CCDC158: variants seen among roughly 807,000 people sequenced by gnomAD.
The protein encoded by CCDC158 is coiled-coil domain containing 158, also known as coiled-coil domain-containing protein 158.
In CCDC158, 116 loss-of-function variants were observed where a neutral mutation model predicts 138.6. That is an observed-to-expected ratio of 0.84 (90% CI 0.72 to 0.98). The LOEUF (loss-of-function observed/expected upper bound fraction) is 0.98. Ranked by LOEUF, CCDC158 falls within the 50% of genes least tolerant of loss-of-function variation. CCDC158 has a pLI of 0.00. For synonymous variants in CCDC158, 436 were observed against 442.4 expected (o/e 0.99, Z 0.18); for missense variants, 1,265 against 1,306.1 (o/e 0.97, Z 0.48).
chr4:76,394,021 A>T (rs191285145), intron 4 of CCDC158, among the ~76,000 whole-genome samples: 1 of 152,252 alleles, frequency 6.6e-6, no homozygotes, highest in South Asian at 2.1e-4. Flanking sequence ...ACCCTTGTAC[A>T]CTATTGGTGG....
At chr4:76,359,736 TA>T (rs1321867777) in intron 13 of CCDC158, among the ~76,000 whole-genome samples, 2 of 152,126 alleles carry the variant, frequency 1.3e-5, no homozygotes, top group Non-Finnish European at 2.9e-5. Context: ...TCATTTGCAT[TA>T]AAAAAGAAAT....
chr4:76,326,063 T>A lies in CCDC158; in HGVS notation c.3011-48A>T, dbSNP rs779004067. 9.6e-6 allele frequency: 14 copies of A among 1,465,234 alleles called. No individual in the cohort carries two copies. In the South Asian group the frequency reaches 1.6e-4, roughly 17 times the overall value. 90.8% of individuals were successfully genotyped at this position (1,465,234 alleles called of 1,614,324 possible). On this transcript the variant is annotated intron_variant, in intron 22 of 24. Transcript: ENST00000682701. ...GTAAAAGGACAGAATTAATTAAAAATAGCAAACTGCACCTCTCAAAAAGTC... is the reference window on the plus strand; with the variant it reads ...GTAAAAGGACAGAATTAATTAAAAAAAGCAAACTGCACCTCTCAAAAAGTC...
At chr4:76,367,993 A>T (rs1440327886) in intron 11 of CCDC158, among the ~76,000 whole-genome samples, 1 of 151,810 alleles carries the variant, frequency 6.6e-6, no homozygotes, top group African/African-American at 2.4e-5. Flanking sequence ...GGCCTCCCAA[A>T]GTGCTGGGAT....
chr4:76,333,975 A>T (rs1439204893), intron 19 of CCDC158, 35 bp downstream of exon 19: 1 of 1,474,828 alleles, frequency 6.8e-7, no homozygotes, highest in Non-Finnish European at 9.2e-7. Flanking sequence ...CATTCAAGAG[A>T]TGAGCTTTCC....
At chr4:76,407,425 T>C (rs569940309) in intron 2 of CCDC158, 2 of 152,148 alleles carry the variant, frequency 1.3e-5, no homozygotes, top group African/African-American at 4.8e-5. Context: ...AGACTGCTAC[T>C]TGAGGAAAAA....
At chr4:76,313,531 C>T (rs1719087986) in intron 24 of CCDC158, among the ~76,000 whole-genome samples, 2 of 152,164 alleles carry the variant, frequency 1.3e-5, no homozygotes, top group African/African-American at 2.4e-5. Flanking sequence ...CTCAAGCAAT[C>T]CTCCTGCCTC....
At chr4:76,314,010 CTATAA>C (rs796606658) in intron 24 of CCDC158, among the ~76,000 whole-genome samples, 10 of 152,112 alleles carry the variant, frequency 6.6e-5, no homozygotes, top group African/African-American at 1.9e-4. Context: ...TTCTTTCTTG[CTATAA>C]TAAATACTTT....
chr4:76,353,253 CT>C lies in CCDC158; in HGVS notation c.2314del (p.Ser772ValfsTer7), dbSNP rs1723224750. On this transcript the variant is annotated frameshift_variant, in exon 16 of 25. Transcript: ENST00000682701. LOFTEE classifies it high-confidence loss of function. ...AGTACTCAATTCCTGACTGAGTTTACTTTTCTCTTCTTTCAGAAAATGTTTC... is the reference window on the plus strand; with the variant it reads ...AGTACTCAATTCCTGACTGAGTTTACTTTCTCTTCTTTCAGAAAATGTTTC... ...KEKHFLKEEK[S>X]KLSQELSTVA... 6.2e-7 allele frequency: 1 copy of C among 1,608,170 alleles called. No individual in the cohort carries two copies. Among genetic ancestry groups the C allele is most frequent in the Non-Finnish European group, 8.5e-7 (1 of 1,177,948 alleles).
intron 18 of CCDC158, among the ~76,000 whole-genome samples, chr4:76,340,068 C>T (rs750233711): frequency 3.2e-4 from 48 of 152,274 alleles, no homozygotes; most frequent in Admixed American, 1.0e-3. Context: ...ACAAAACTTG[C>T]TTACTTGTGT....
At chr4:76,328,438 T>C (rs749748903) in intron 22 of CCDC158, among the ~76,000 whole-genome samples, 1 of 152,120 alleles carries the variant, frequency 6.6e-6, no homozygotes, top group Non-Finnish European at 1.5e-5. Context: ...GGGAAAATCG[T>C]GATTTTTATT....
chr4:76,396,481 A>C lies in CCDC158; in HGVS notation c.76T>G (p.Ser26Ala). 1 of 1,599,648 alleles carries C rather than the reference A, an allele frequency of 6.3e-7. No individual in the cohort carries two copies. ...ATAGATGACACAAAAAATGAACTTG[A>C]AGAACCTAAATATTAAAGAATTCAT... is the stretch of plus-strand genomic sequence containing the variant. ...SSGVTSNGGS[S>A]SSFFVSSIRG... Residue 26 changes from serine to alanine, a missense_variant, in exon 4 of 25, where the codon TCA becomes GCA. Coordinates refer to ENST00000682701, the MANE Select transcript of CCDC158 (RefSeq NM_001394954.1).
intron 21 of CCDC158, among the ~76,000 whole-genome samples, chr4:76,329,323 C>A (rs1720808558): frequency 6.6e-6 from 1 of 152,130 alleles, no homozygotes; most frequent in East Asian, 1.9e-4. Flanking sequence ...TGGTGGCTCA[C>A]CCCTGTAATC....
At chr4:76,366,638 AAC>A (rs1553895921) in intron 12 of CCDC158, among the ~76,000 whole-genome samples, 1,809 of 147,922 alleles carry the variant, frequency 0.012, 36 homozygotes, top group African/African-American at 0.044. Flanking sequence ...CACACACACA[AAC>A]ACACACACAC....
At chr4:76,332,268 C>T (rs770041151) in intron 20 of CCDC158, among the ~76,000 whole-genome samples, 164 bp downstream of exon 20, 3 of 152,114 alleles carry the variant, frequency 2.0e-5, no homozygotes, top group African/African-American at 7.2e-5. Context: ...TAAATTACTT[C>T]AGTACATTTC....
Position 76,384,934 on chromosome 4 carries a change from T to C in CCDC158, c.289-269A>G, listed in dbSNP as rs141095597. ...AACAAATCTTACTTCCAGCTCAACA[T>C]GGAGATAGAAATACATTTTTTACAT... On this transcript the variant is annotated intron_variant, in intron 4 of 24. Transcript: ENST00000682701. Among the ~76,000 whole-genome samples, 1,148 of 152,294 alleles carry C rather than the reference T, an allele frequency of 7.5e-3. 5 individuals are homozygous for C. The highest frequency in any genetic ancestry group is 0.011 in the Non-Finnish European group (771 of 68,022).
chr4:76,378,070 AT>A (rs1255663672), intron 9 of CCDC158, among the ~76,000 whole-genome samples: 5 of 152,222 alleles, frequency 3.3e-5, no homozygotes, highest in Non-Finnish European at 5.9e-5. Flanking sequence ...ATACAGTTTC[AT>A]GTTACTCTCT....
At chr4:76,313,606 G>C (rs931896538) in intron 24 of CCDC158, among the ~76,000 whole-genome samples, 3 of 152,024 alleles carry the variant, frequency 2.0e-5, no homozygotes, top group African/African-American at 7.2e-5. Flanking sequence ...GTTTTAAATG[G>C]GCATGATAAT....
At chr4:76,337,233 G>A (rs1222963211) in intron 18 of CCDC158, among the ~76,000 whole-genome samples, 4 of 152,052 alleles carry the variant, frequency 2.6e-5, no homozygotes, top group Non-Finnish European at 5.9e-5. Flanking sequence ...CAAGCAATCT[G>A]CCCGCCTCGG....
intron 4 of CCDC158, among the ~76,000 whole-genome samples, chr4:76,386,371 A>T (rs1726786660): frequency 1.2e-5 from 1 of 81,550 alleles, no homozygotes; most frequent in Non-Finnish European, 2.6e-5. Context: ...TCCTCTCCTT[A>T]GGGTGTAGGC....
Sources: gnomAD v4.1 joint callset for allele counts (sites outside exome capture counted in the v4.1 genomes callset) on GRCh38, gnomAD v4.1.1 for gene constraint, MANE v1.5 for transcripts, NCBI Gene and HGNC (gene_info 2026-07-23, HGNC 2026-07-21) for gene names.